Variants in ZNF85 observed in about 807,000 individuals in gnomAD.
The protein encoded by ZNF85 is zinc finger protein 85 (HPF4, HTF1).
ZNF85 carries 50 observed loss-of-function variants against 53.9 expected under a neutral mutation model. The ratio of observed to expected loss-of-function variants is 0.93; its 90% CI spans 0.74 to 1.17. ZNF85 has a LOEUF of 1.17. Ranked by LOEUF, ZNF85 falls within the 50% of genes most tolerant of loss-of-function variation. The pLI, the probability that ZNF85 is intolerant of heterozygous loss-of-function variation, is 0.00. For missense variants in ZNF85, 747 were observed against 688.5 expected, an observed-to-expected ratio of 1.08 and a Z score of -0.95; for synonymous variants, 225 against 226.1, an observed-to-expected ratio of 1.00 and a Z score of 0.04.
Position 20,950,182 on chromosome 19 carries a change from T to C in ZNF85, c.1668T>C (p.His556=), listed in dbSNP as rs776603877. Reference sequence around the variant, plus strand: ...ACCAGTCCTCAAACCTTACTAAACATAAGAGAATTCATACTGGAGAAAAAC... The same window carrying C: ...ACCAGTCCTCAAACCTTACTAAACACAAGAGAATTCATACTGGAGAAAAAC... ...AFNQSSNLTK[H]KRIHTGEKPY... The change falls in exon 4 of 4, where the codon CAT becomes CAC. Residue 556 remains histidine (H), a synonymous_variant. Transcript: ENST00000328178. The C allele has an allele frequency of 1.4e-5, 23 of 1,613,022 alleles. No homozygotes were observed. In the Admixed American group the frequency reaches 2.5e-4, roughly 18 times the overall value.
Position 20,949,694 on chromosome 19 carries a change from G to C in ZNF85, c.1180G>C (p.Gly394Arg). ...TACTACACATAAGATAATTCATACT[G>C]GAGAGAAACCTTACAAATGTAAAGA... The part of the protein sequence containing the change: ...HLTTHKIIHT[G>R]EKPYKCKECG... The change falls in exon 4 of 4, where the codon GGA (glycine) becomes CGA (arginine). Residue 394 changes from glycine (G) to arginine (R), a missense_variant. Transcript: ENST00000328178. 1 of 1,613,112 alleles carries C rather than the reference G, an allele frequency of 6.2e-7. No individual in the cohort carries two copies. The highest frequency in any genetic ancestry group is 8.5e-7 in the Non-Finnish European group (1 of 1,179,486).
At chr19:20,942,753 G>A in intron 3 of ZNF85, 1 of 683,990 alleles carries the variant, frequency 1.5e-6, no homozygotes, top group Non-Finnish European at 2.7e-6. Flanking sequence ...TATAATTTTT[G>A]TCTGCTTAAA....
intron 3 of ZNF85, among the ~76,000 whole-genome samples, chr19:20,939,941 C>A (rs569814953): frequency 2.0e-4 from 30 of 152,222 alleles, no homozygotes; most frequent in Admixed American, 5.9e-4. Context: ...AGGTGATCCG[C>A]CCACCTCAGC....
At chr19:20,940,387 A>C (rs1164530985) in intron 3 of ZNF85, among the ~76,000 whole-genome samples, 1 of 152,110 alleles carries the variant, frequency 6.6e-6, no homozygotes, top group African/African-American at 2.4e-5. Context: ...ATTTCTTTAA[A>C]ATGGCCTGGC....
At chr19:20,947,672 T>A (rs1973456142) in intron 3 of ZNF85, among the ~76,000 whole-genome samples, 1 of 151,522 alleles carries the variant, frequency 6.6e-6, no homozygotes, top group South Asian at 2.1e-4. Context: ...TGACTTGAAA[T>A]TGCACTCATG....
chr19:20,923,845 G>A (rs1196599753), intron 1 of ZNF85, among the ~76,000 whole-genome samples: 5 of 152,182 alleles, frequency 3.3e-5, no homozygotes, highest in African/African-American at 1.2e-4. Flanking sequence ...ACTTTGGGAA[G>A]CCGAGGCGGG....
chr19:20,948,483 C>CTT (rs113433025), intron 3 of ZNF85, among the ~76,000 whole-genome samples: 16,939 of 146,812 alleles, frequency 0.12, 965 homozygotes, highest in Middle Eastern at 0.13. Flanking sequence ...ATGTAACAAA[C>CTT]TTTTTTTTTC....
Position 20,934,017 on chromosome 19 carries a change from C to CT in ZNF85, c.4-4dup, listed in dbSNP as rs1406132918. On this transcript the variant is annotated splice_polypyrimidine_tract_variant and splice_region_variant and intron_variant, in intron 1 of 3. Transcript: ENST00000328178. Reference sequence around the variant, plus strand: ...TGTGTGTATGTGTATGTGTGTGTATCTTTCAGGGACCATTGACATTTAGGG... The same window carrying CT: ...TGTGTGTATGTGTATGTGTGTGTATCTTTTCAGGGACCATTGACATTTAGGG... 1 of 1,597,746 alleles carries CT rather than the reference C, an allele frequency of 6.3e-7. No individual in the cohort carries two copies. Among genetic ancestry groups the CT allele is most frequent in the Non-Finnish European group, 8.5e-7 (1 of 1,171,366 alleles).
Position 20,934,957 on chromosome 19 carries a change from G to T in ZNF85, c.139G>T (p.Val47Phe). 6.2e-7 allele frequency: 1 copy of T among 1,605,662 alleles called. No individual in the cohort carries two copies. The highest frequency in any genetic ancestry group is 8.5e-7 in the Non-Finnish European group (1 of 1,176,002). The change falls in exon 3 of 4, where the codon GTT becomes TTT. Residue 47 changes from valine to phenylalanine, a missense_variant. By Grantham distance (50) the Val-to-Phe change is conservative. Transcript: ENST00000328178. ...YRNLVFLGIT[V>F]SKPDLITCLE... The stretch of plus-strand genomic sequence containing the variant: ...TATTTTTAATAAAACAGGTATTACT[G>T]TTTCTAAGCCAGACCTGATCACTTG...
intron 3 of ZNF85, chr19:20,943,129 T>G: frequency 2.7e-6 from 1 of 365,192 alleles, no homozygotes; most frequent in East Asian, 4.1e-5. Flanking sequence ...ATACACAAGG[T>G]GCAAATAAGA....
intron 1 of ZNF85, among the ~76,000 whole-genome samples, chr19:20,931,469 A>G (rs991261825): frequency 1.2e-4 from 19 of 152,110 alleles, no homozygotes; most frequent in Admixed American, 1.2e-3. Flanking sequence ...TGTGACTCTT[A>G]AGTTGAGGCC....
rs552522813 is a variant in ZNF85 at position 20,923,489 on chromosome 19, C to G, written c.3+86C>G. 2.3e-5 allele frequency: 37 copies of G among 1,599,790 alleles called. No individual in the cohort carries two copies. The African/African-American group carries it at 4.8e-4, about 21-fold the overall frequency. On this transcript the variant is annotated intron_variant, in intron 1 of 3. Coordinates refer to ENST00000328178, the MANE Select transcript of ZNF85 (RefSeq NM_003429.5). ...CGGCTGTGGCGGGACTCAGGCCTCC[C>G]TGTAGTCAGCTCCACAATCTGCGCT... is the stretch of plus-strand genomic sequence containing the variant.
intron 3 of ZNF85, among the ~76,000 whole-genome samples, chr19:20,948,263 A>T (rs1473307562): frequency 6.6e-6 from 1 of 152,114 alleles, no homozygotes; most frequent in African/African-American, 2.4e-5. Flanking sequence ...TGTAGCATTT[A>T]CCTTTGATCT....
At chr19:20,931,659 G>A (rs568544902) in intron 1 of ZNF85, among the ~76,000 whole-genome samples, 17 of 142,744 alleles carry the variant, frequency 1.2e-4, no homozygotes, top group African/African-American at 4.3e-4. Context: ...TTTCACTGGA[G>A]TGCAGTGGTG....
chr19:20,937,220 C>A (rs1568549944), intron 3 of ZNF85: 3 of 413,416 alleles, frequency 7.3e-6, no homozygotes, highest in South Asian at 1.7e-5. Flanking sequence ...TTAGTAGAGA[C>A]GAAGTTTCAC....
At chr19:20,930,393 A>G (rs1972987275) in intron 1 of ZNF85, among the ~76,000 whole-genome samples, 1 of 151,560 alleles carries the variant, frequency 6.6e-6, no homozygotes, top group Admixed American at 6.6e-5. Flanking sequence ...AAACTTCTCT[A>G]AAATACATTA....
In ZNF85 at chr19:20,949,685, A is replaced by C; in HGVS notation, c.1171A>C (p.Ile391Leu). 2 of 1,613,362 alleles carry C rather than the reference A, an allele frequency of 1.2e-6. No individual in the cohort carries two copies. Among genetic ancestry groups the C allele is most frequent in the Non-Finnish European group, 1.7e-6 (2 of 1,179,550 alleles). ...HFSHLTTHKI[I>L]HTGEKPYKCK... ...CTCACACCTTACTACACATAAGATA[A>C]TTCATACTGGAGAGAAACCTTACAA... is the stretch of plus-strand genomic sequence containing the variant. The change falls in exon 4 of 4, where the codon ATT (isoleucine) becomes CTT (leucine). Residue 391 changes from isoleucine (I) to leucine (L), a missense_variant. By Grantham distance (5) the Ile-to-Leu change is conservative (BLOSUM62 2). Coordinates refer to ENST00000328178, the MANE Select transcript of ZNF85 (RefSeq NM_003429.5).
Position 20,924,881 on chromosome 19 carries a change from G to A in ZNF85, c.3+1478G>A, listed in dbSNP as rs146887943. 8.1e-3 allele frequency among the ~76,000 whole-genome samples: 1,238 copies of A among 152,254 alleles called. 7 individuals carry two copies. The highest frequency in any genetic ancestry group is 0.013 in the Non-Finnish European group (879 of 68,008). ...CTTATCAGAATATTGGTGGGTCAAG[G>A]TTTCCGTTTGGAGACTTTATGGTGT... On this transcript the variant is annotated intron_variant, in intron 1 of 3. Transcript: ENST00000328178.
intron 1 of ZNF85, among the ~76,000 whole-genome samples, chr19:20,929,690 C>T (rs1416342388): frequency 7.0e-5 from 9 of 129,426 alleles, no homozygotes; most frequent in Admixed American, 6.9e-4. Context: ...ACTGGAAATA[C>T]CCTAGTGGCA....
Sources: gnomAD v4.1 joint callset for allele counts (sites outside exome capture counted in the v4.1 genomes callset) on GRCh38, gnomAD v4.1.1 for gene constraint, MANE v1.5 for transcripts, NCBI Gene and HGNC (gene_info 2026-07-23, HGNC 2026-07-21) for gene names.